The following PLD2 variants were observed in gnomAD, a reference collection of about 807,000 sequenced individuals.
The protein encoded by PLD2 is choline phosphatase 2.
Under a neutral mutation model 119.8 loss-of-function variants are expected in PLD2, and 101 were observed. The observed-to-expected ratio is 0.84, with a 90% CI of 0.72 to 0.99. The LOEUF is 0.99. Ranked by LOEUF, PLD2 falls within the 50% of genes least tolerant of loss-of-function variation. The pLI, the probability that PLD2 is intolerant of heterozygous loss-of-function variation, is 0.00. For missense variants in PLD2, 1,164 were observed against 1,226.8 expected (o/e 0.95, Z 0.76); for synonymous variants, 494 against 482.8 (o/e 1.02, Z -0.30).
intron 20 of PLD2, 62 bp from the exon 21 acceptor site, chr17:4,818,712 C>T: frequency 5.0e-6 from 8 of 1,597,280 alleles, no homozygotes; most frequent in Non-Finnish European, 6.9e-6. Flanking sequence ...GAAGGGCCAC[C>T]TCTCCTGACC....
chr17:4,818,102 T>C lies in PLD2; in HGVS notation c.1916T>C (p.Ile639Thr), dbSNP rs148798513. ...TIRESQHFLY[I>T]ENQFFISCSD... The stretch of plus-strand genomic sequence containing the variant: ...AGGGAGAGCCAGCACTTCCTCTACA[T>C]TGAGGTCTGACTGGGAGGAGGTGGG... Residue 639 changes from isoleucine to threonine, a missense_variant, in exon 18 of 25, where the codon ATT becomes ACT. Transcript: ENST00000263088. 3.1e-6 allele frequency: 5 copies of C among 1,610,198 alleles called. No individual in the cohort carries two copies. In the African/African-American group the frequency reaches 5.3e-5, roughly 17 times the overall value.
chr17:4,821,967 C>T, intron 24 of PLD2, 60 bp downstream of exon 24: 1 of 1,086,196 alleles, frequency 9.2e-7, no homozygotes, highest in Non-Finnish European at 1.4e-6. Flanking sequence ...TTATCCTGCT[C>T]AGGGTAGGAT....
intron 21 of PLD2, 69 bp downstream of exon 21, chr17:4,818,892 T>C: frequency 6.5e-7 from 1 of 1,538,452 alleles, no homozygotes; most frequent in Non-Finnish European, 8.9e-7. Context: ...GCTGCAGGCC[T>C]GGGGGTGGGG....
chr17:4,808,191 G>A lies in PLD2; in HGVS notation c.240+77G>A. 4 of 1,591,588 alleles carry A rather than the reference G, an allele frequency of 2.5e-6. No individual in the cohort carries two copies. The highest frequency in any genetic ancestry group is 3.4e-6 in the Non-Finnish European group (4 of 1,165,100). The stretch of plus-strand genomic sequence containing the variant: ...TCCAAGGTGGCTGGGCTGGCCCCAG[G>A]GAAGGGGCAAAAGGAGGGCTGGCCA... On this transcript the variant is annotated intron_variant, in intron 3 of 24. Transcript: ENST00000263088. This position sits in a 1 kb window ranked among gnomAD's most constrained non-coding sequence, Gnocchi z 4.1.
At chr17:4,818,927 C>G in intron 21 of PLD2, 104 bp downstream of exon 21, 2 of 1,480,564 alleles carry the variant, frequency 1.4e-6, no homozygotes, top group South Asian at 1.2e-5. Flanking sequence ...CTCCTGTGAG[C>G]CTCTGACGCT....
In PLD2 at chr17:4,809,788, G is replaced by A. The variant is rs772561448; in HGVS notation, c.707+5G>A. On this transcript the variant is annotated splice_donor_5th_base_variant and intron_variant, in intron 8 of 24. Transcript: ENST00000263088. The stretch of plus-strand genomic sequence containing the variant: ...TTGTTATCGCTGGTCCAAGAGGTAC[G>A]GGCTATGGCCAAGCAGCTGGGCAGT... 5.0e-6 allele frequency: 8 copies of A among 1,614,038 alleles called. No individual in the cohort carries two copies. The highest frequency in any genetic ancestry group is 1.7e-5 in the Admixed American group (1 of 60,000).
rs778956155 is a variant in PLD2, at chr17:4,809,573, C to T, written c.614+22C>T. On this transcript the variant is annotated intron_variant, in intron 7 of 24. Transcript: ENST00000263088. ...GACTGTGAGTGTCTGGCCCCCTTCACCCAGGCATCCGTAGACATCACTCTT... is the reference window on the plus strand; with the variant it reads ...GACTGTGAGTGTCTGGCCCCCTTCATCCAGGCATCCGTAGACATCACTCTT... 2.4e-5 allele frequency: 39 copies of T among 1,605,404 alleles called. No individual in the cohort carries two copies. In the South Asian group the frequency reaches 2.8e-4, roughly 11 times the overall value.
At chr17:4,810,399 C>G (rs775338576) in intron 9 of PLD2, among the ~76,000 whole-genome samples, 16 of 152,080 alleles carry the variant, frequency 1.1e-4, no homozygotes, top group Non-Finnish European at 1.9e-4. Context: ...AATCCCAGCA[C>G]TTTGGGAGGC....
rs549229924 is a variant in PLD2 at position 4,808,487 on chromosome 17, G to A, written c.383+71G>A. 43 of 1,496,540 alleles carry A rather than the reference G, an allele frequency of 2.9e-5. No individual in the cohort carries two copies. The South Asian group carries it at 3.1e-4, about 11-fold the overall frequency. The allele number at this position is 1,496,540 out of a possible 1,614,324, so 92.7% of individuals were successfully genotyped here. On this transcript the variant is annotated intron_variant, in intron 4 of 24. Transcript: ENST00000263088. This position sits in a 1 kb window ranked among gnomAD's most constrained non-coding sequence, Gnocchi z 4.1. ...CCCTCCTTTCTGTCTGTCTCACCCC[G>A]GGGCCACAACCTTTCCTCCCTGCAA...
intron 15 of PLD2, 46 bp downstream of exon 15, chr17:4,816,792 T>C (rs1447698776): frequency 6.2e-7 from 1 of 1,613,708 alleles, no homozygotes; most frequent in Non-Finnish European, 8.5e-7. Flanking sequence ...GAGAGCAGGG[T>C]CAGAAGCTGG....
rs141585465 is a variant in PLD2 at position 4,809,906 on chromosome 17, T to C, written c.737T>C (p.Leu246Pro). ...RWLVVKDSFL[L>P]YMCLETGAIS... Reference sequence around the variant, plus strand: ...CTGGTGGTGAAGGACTCCTTCCTGCTGTACATGTGCCTCGAGACAGGTGCC... The same window carrying C: ...CTGGTGGTGAAGGACTCCTTCCTGCCGTACATGTGCCTCGAGACAGGTGCC... The change falls in exon 9 of 25, where the codon CTG becomes CCG. Residue 246 changes from leucine (L) to proline (P), a missense_variant. Physicochemically the swap from Leu to Pro is moderately conservative, Grantham distance 98. Transcript: ENST00000263088. 1.1e-5 allele frequency: 18 copies of C among 1,614,112 alleles called. No individual in the cohort carries two copies. Among genetic ancestry groups the C allele is most frequent in the South Asian group, 9.9e-5 (9 of 91,086 alleles).
Position 4,823,119 on chromosome 17 carries a change from A to C in PLD2, c.*255A>C. 2.9e-5 allele frequency: 13 copies of C among 448,362 alleles called. No homozygotes were observed. Among genetic ancestry groups the C allele is most frequent in the Non-Finnish European group, 4.0e-5 (10 of 251,036 alleles). The allele number at this position is 448,362 out of a possible 1,614,324, so 27.8% of individuals were successfully genotyped here. A position where few individuals can be genotyped will look rare whatever the true frequency, so the allele number is the denominator to read the frequency against. Reference sequence around the variant, plus strand: ...GCTGCCCAGTGCAAACCACTTCTCCATGCTGCAAAGGAGAAGCACAGCTCC... The same window carrying C: ...GCTGCCCAGTGCAAACCACTTCTCCCTGCTGCAAAGGAGAAGCACAGCTCC... On this transcript the variant is annotated 3_prime_UTR_variant, in exon 25 of 25. Transcript: ENST00000263088.
rs773017795 is a variant in PLD2, at chr17:4,818,792, G to A, written c.2142G>A (p.Glu714=). ...HFTYRTLCRG[E]YSILHRLKAA... The stretch of plus-strand genomic sequence containing the variant: ...CTCTCAGGACCCTGTGTCGTGGGGA[G>A]TATTCAATCCTGCATCGCCTTAAAG... The change falls in exon 21 of 25, where the codon GAG becomes GAA. Residue 714 remains glutamate, a synonymous_variant. Transcript: ENST00000263088. 1 of 1,614,040 alleles carries A rather than the reference G, an allele frequency of 6.2e-7. No homozygotes were observed. The highest frequency in any genetic ancestry group is 2.2e-5 in the East Asian group (1 of 44,894).
At chr17:4,820,261 T>TTGTTG (rs1567535981) in intron 23 of PLD2, among the ~76,000 whole-genome samples, 2 of 147,970 alleles carry the variant, frequency 1.4e-5, no homozygotes, top group South Asian at 2.2e-4. Context: ...AGAAATCTTT[T>TTGTTG]TTGTTGTTGT....
Position 4,816,926 on chromosome 17 carries a change from G to A in PLD2, c.1583-11G>A. The A allele has an allele frequency of 6.2e-7, 1 of 1,608,626 alleles. No homozygotes were observed. Among genetic ancestry groups the A allele is most frequent in the Non-Finnish European group, 8.5e-7 (1 of 1,176,336 alleles). On this transcript the variant is annotated splice_polypyrimidine_tract_variant and intron_variant, in intron 15 of 24. Coordinates refer to ENST00000263088, the MANE Select transcript of PLD2 (RefSeq NM_002663.5). ...CCTGACATCTCCCCTGACTCTCCTG[G>A]GACCCCCCAGATTTCATTGACAGGG...
intron 14 of PLD2, among the ~76,000 whole-genome samples, chr17:4,816,174 G>C (rs1243420629): frequency 6.6e-6 from 1 of 152,132 alleles, no homozygotes; most frequent in African/African-American, 2.4e-5. Context: ...CTGAGGTCTG[G>C]AGTTCGAGAC....
chr17:4,817,874 C>T (rs1567532965), intron 17 of PLD2, 128 bp from the exon 18 acceptor site: 6 of 616,312 alleles, frequency 9.7e-6, no homozygotes, highest in Admixed American at 2.6e-5. Context: ...AGGAGAATGG[C>T]GTGAACCCAG....
rs1906026966 is a variant in PLD2 at position 4,807,841 on chromosome 17, G to A, written c.69G>A (p.Glu23=). 4 of 1,613,276 alleles carry A rather than the reference G, an allele frequency of 2.5e-6. No individual in the cohort carries two copies. In the African/African-American group the frequency reaches 4.0e-5, roughly 16 times the overall value. ...DELDSSQLQM[E]SDEVDTLKEG... ...TGGACTCCAGCCAGCTCCAGATGGA[G>A]TCCGATGAGGTGGACACCCTGAAGG... is the stretch of plus-strand genomic sequence containing the variant. Residue 23 remains glutamate, a synonymous_variant, in exon 2 of 25, where the codon GAG becomes GAA. Transcript: ENST00000263088. The surrounding 1 kb of genome is among the most constrained non-coding windows in gnomAD (Gnocchi z 5.4).
intron 5 of PLD2, 40 bp downstream of exon 5, chr17:4,809,245 G>A (rs1169676408): frequency 2.5e-6 from 4 of 1,611,638 alleles, no homozygotes; most frequent in Middle Eastern, 1.7e-4. Context: ...GGCATTGGAG[G>A]TGCAAATGGC....
Sources: gnomAD v4.1 joint callset for allele counts (sites outside exome capture counted in the v4.1 genomes callset) on GRCh38, gnomAD v4.1.1 for gene constraint, Gnocchi (gnomAD v3.1) non-coding constraint, MANE v1.5 for transcripts, NCBI Gene and HGNC (gene_info 2026-07-23, HGNC 2026-07-21) for gene names.